The following COG5 variants were observed in gnomAD, a reference collection of about 807,000 sequenced individuals.
The protein encoded by COG5 is component of oligomeric golgi complex 5.
In COG5, 86 loss-of-function variants were observed where a neutral mutation model predicts 110.4. The ratio of observed to expected loss-of-function variants is 0.78; its 90% CI spans 0.65 to 0.93. The LOEUF (loss-of-function observed/expected upper bound fraction) is 0.93. Among genes scored for constraint, COG5 ranks in the 40% least tolerant of loss-of-function variants. The pLI, the probability that COG5 is intolerant of heterozygous loss-of-function variation, is 0.00. For synonymous variants in COG5, 360 were observed against 334.6 expected (o/e 1.08, Z -0.83); for missense variants, 1,077 against 987.0 (o/e 1.09, Z -1.22).
At chr7:107,339,798 T>TA (rs779537798) in intron 10 of COG5, among the ~76,000 whole-genome samples, 30 of 151,552 alleles carry the variant, frequency 2.0e-4, no homozygotes, top group Non-Finnish European at 4.1e-4. Context: ...TTGTCAGAAA[T>TA]AAAAAAATTC....
chr7:107,400,732 A>C (rs1302044849), intron 7 of COG5, among the ~76,000 whole-genome samples: 1 of 152,176 alleles, frequency 6.6e-6, no homozygotes, highest in Non-Finnish European at 1.5e-5. Flanking sequence ...GTAAGTCCAC[A>C]CTGCAAGATG....
At position 107,386,412 on chromosome 7, in the gene COG5, G is replaced by A. The variant is rs1054914427; in HGVS notation, c.670-13652C>T. 6.6e-5 allele frequency among the ~76,000 whole-genome samples: 10 copies of A among 152,146 alleles called. No individual in the cohort carries two copies. In the East Asian group the frequency reaches 1.9e-3, roughly 29 times the overall value. ...CGTTATTTATCTGTCGTTGGGTCAG[G>A]GTCTGCCAGACAGACCCCCGCAGCT... On this transcript the variant is annotated intron_variant, in intron 7 of 21. Coordinates refer to ENST00000297135, the MANE Select transcript of COG5 (RefSeq NM_006348.5).
intron 6 of COG5, among the ~76,000 whole-genome samples, chr7:107,498,944 AGAACAG>A (rs1278420935): frequency 3.9e-5 from 6 of 152,228 alleles, no homozygotes; most frequent in Admixed American, 2.0e-4. Flanking sequence ...ATATATACAT[AGAACAG>A]AATATTATTC....
chr7:107,418,865 C>T (rs1793072778), intron 6 of COG5, among the ~76,000 whole-genome samples: 1 of 151,950 alleles, frequency 6.6e-6, no homozygotes, highest in South Asian at 2.1e-4. Flanking sequence ...ACCTCCGCCT[C>T]CGGGGTTCAA....
chr7:107,324,313 A>G (rs1809567403), intron 11 of COG5, 127 bp downstream of exon 11: 1 of 635,328 alleles, frequency 1.6e-6, no homozygotes, highest in Non-Finnish European at 2.7e-6. Flanking sequence ...CAAAATAACA[A>G]TTAGCCAGGA....
chr7:107,229,858 G>GT lies in COG5; in HGVS notation c.2168+756dup, dbSNP rs1294339626. On this transcript the variant is annotated intron_variant, in intron 19 of 21. Transcript: ENST00000297135. Reference sequence around the variant, plus strand: ...TTTTTGGTTTTTGTTTTTTTTTTTTGTTTTTTTTTTTGAGACAGAGTCTCA... The same window carrying GT: ...TTTTTGGTTTTTGTTTTTTTTTTTTGTTTTTTTTTTTTGAGACAGAGTCTCA... Among the ~76,000 whole-genome samples the GT allele has an allele frequency of 7.4e-3, 636 of 86,036 alleles. 1 individual carries two copies. The highest frequency in any genetic ancestry group is 0.013 in the African/African-American group (310 of 23,776). The allele number at this position is 86,036 out of a possible 152,430, so 56.4% of individuals were successfully genotyped here.
rs753555068 is a variant in COG5, at chr7:107,211,057, G to C, written c.2295+42C>G. The C allele has an allele frequency of 3.7e-6, 6 of 1,609,548 alleles. No individual in the cohort carries two copies. The African/African-American group carries it at 8.0e-5, about 22-fold the overall frequency. The stretch of plus-strand genomic sequence containing the variant: ...GGGCTCAGGATTCACACAGGTAATG[G>C]GAAGAGTCACAAAAGGGTTCTGGCT... On this transcript the variant is annotated intron_variant, in intron 20 of 21. Coordinates refer to ENST00000297135, the MANE Select transcript of COG5 (RefSeq NM_006348.5).
At chr7:107,493,055 T>G (rs1364380742) in intron 6 of COG5, among the ~76,000 whole-genome samples, 1 of 152,142 alleles carries the variant, frequency 6.6e-6, no homozygotes, top group Admixed American at 6.6e-5. Flanking sequence ...TCATATAGGC[T>G]CCACCTTATG....
At chr7:107,217,025 T>C (rs949268643) in intron 19 of COG5, among the ~76,000 whole-genome samples, 2 of 151,752 alleles carry the variant, frequency 1.3e-5, no homozygotes, top group African/African-American at 4.8e-5. Flanking sequence ...AAATTGGAAA[T>C]GAAAGAGAAG....
chr7:107,326,897 C>T (rs149257386), intron 10 of COG5, among the ~76,000 whole-genome samples: 2 of 152,212 alleles, frequency 1.3e-5, no homozygotes, highest in African/African-American at 4.8e-5. Flanking sequence ...TATTACAGAG[C>T]CAGGTGCAGT....
chr7:107,440,231 C>G (rs1252566490), intron 6 of COG5, among the ~76,000 whole-genome samples: 7 of 152,090 alleles, frequency 4.6e-5, no homozygotes, highest in Admixed American at 4.6e-4. Flanking sequence ...AGAGTAATAT[C>G]TAGGACATAG....
At chr7:107,460,048 A>C (rs1164855846) in intron 6 of COG5, among the ~76,000 whole-genome samples, 3 of 152,204 alleles carry the variant, frequency 2.0e-5, no homozygotes, top group Non-Finnish European at 4.4e-5. Context: ...GACCATAATG[A>C]AATTAAATTA....
intron 6 of COG5, among the ~76,000 whole-genome samples, chr7:107,440,811 G>A (rs1032497219): frequency 6.6e-6 from 1 of 152,162 alleles, no homozygotes; most frequent in Admixed American, 6.5e-5. Context: ...AGAGGGAAGT[G>A]AAGTTTTGTG....
chr7:107,475,653 TA>T (rs1796931447), intron 6 of COG5: 1 of 241,748 alleles, frequency 4.1e-6, no homozygotes, highest in African/African-American at 2.3e-5. Context: ...TACATAGCCT[TA>T]AAACAGTGTA....
chr7:107,525,460 C>T (rs118078430), intron 6 of COG5, among the ~76,000 whole-genome samples: 1,684 of 152,074 alleles, frequency 0.011, 21 homozygotes, highest in Middle Eastern at 0.027. Flanking sequence ...TGTGATAGAG[C>T]AAAACAGTGG....
At chr7:107,313,419 A>G (rs1207826360) in intron 11 of COG5, among the ~76,000 whole-genome samples, 1 of 152,222 alleles carries the variant, frequency 6.6e-6, no homozygotes, top group African/African-American at 2.4e-5. Context: ...ACTGCCAAGG[A>G]GAGTTTAAAT....
At chr7:107,335,501 A>G (rs1329378472) in intron 10 of COG5, among the ~76,000 whole-genome samples, 2 of 152,238 alleles carry the variant, frequency 1.3e-5, no homozygotes, top group Non-Finnish European at 2.9e-5. Context: ...ATTAAAACAT[A>G]CTATCAGACA....
chr7:107,498,375 T>C (rs988305207), intron 6 of COG5, among the ~76,000 whole-genome samples: 1 of 152,142 alleles, frequency 6.6e-6, no homozygotes, highest in Non-Finnish European at 1.5e-5. Flanking sequence ...ACAAACCATG[T>C]ATCTGATAAA....
chr7:107,411,221 T>G (rs1414436104), intron 7 of COG5, among the ~76,000 whole-genome samples: 1 of 152,236 alleles, frequency 6.6e-6, no homozygotes, highest in African/African-American at 2.4e-5. Flanking sequence ...CGGCCACTTC[T>G]TAGGAAGGTA....
Sources: allele counts gnomAD v4.1 joint callset (sites outside exome capture counted in the v4.1 genomes callset), GRCh38; gene constraint gnomAD v4.1.1; transcripts MANE v1.5; gene names NCBI Gene and HGNC (gene_info 2026-07-23, HGNC 2026-07-21).